Variants in FARSB observed in about 807,000 individuals in gnomAD.
FARSB encodes the protein phenylalanine--tRNA ligase beta subunit.
FARSB carries 40 observed loss-of-function variants against 69.6 expected under a neutral mutation model. That is an observed-to-expected ratio of 0.57 (90% CI 0.45 to 0.75). FARSB has a LOEUF of 0.75. FARSB is among the 30% of genes least tolerant of loss of function. The probability of loss-of-function intolerance (pLI) is 0.00; values close to 1 mark genes in which losing one functional copy is unlikely to be tolerated. For synonymous variants in FARSB, 235 were observed against 247.2 expected, an observed-to-expected ratio of 0.95 and a Z score of 0.46; for missense variants, 632 against 722.9, an observed-to-expected ratio of 0.87 and a Z score of 1.44.
At chr2:222,600,342 A>G (rs745838164) in intron 15 of FARSB, among the ~76,000 whole-genome samples, 3 of 152,206 alleles carry the variant, frequency 2.0e-5, no homozygotes, top group Non-Finnish European at 2.9e-5. Flanking sequence ...TCACTGAGGT[A>G]TAAGTTGGTA....
At chr2:222,578,723 TA>T (rs1689895377) in intron 16 of FARSB, among the ~76,000 whole-genome samples, 1 of 151,274 alleles carries the variant, frequency 6.6e-6, no homozygotes, top group African/African-American at 2.5e-5. Context: ...CTCATGCCTG[TA>T]ATCCCAGCAC....
intron 15 of FARSB, among the ~76,000 whole-genome samples, chr2:222,604,531 C>T (rs1411128360): frequency 6.6e-6 from 1 of 152,064 alleles, no homozygotes; most frequent in Non-Finnish European, 1.5e-5. Flanking sequence ...CAGTACAAGA[C>T]ATCTACAACC....
At chr2:222,637,051 TA>T (rs1200270222) in intron 5 of FARSB, among the ~76,000 whole-genome samples, 1 of 152,102 alleles carries the variant, frequency 6.6e-6, no homozygotes, top group Non-Finnish European at 1.5e-5. Flanking sequence ...AAGAAGGAAC[TA>T]TTTTTTTTAA....
chr2:222,621,493 G>A (rs1397482257), intron 13 of FARSB, among the ~76,000 whole-genome samples: 1 of 152,164 alleles, frequency 6.6e-6, no homozygotes, highest in Non-Finnish European at 1.5e-5. Flanking sequence ...AAAGTGCTGG[G>A]ATTACAGGCA....
At chr2:222,597,005 T>C (rs1284404430) in intron 16 of FARSB, among the ~76,000 whole-genome samples, 1 of 152,176 alleles carries the variant, frequency 6.6e-6, no homozygotes, top group Non-Finnish European at 1.5e-5. Context: ...TTATTTGTAA[T>C]GATACCAATT....
intron 16 of FARSB, among the ~76,000 whole-genome samples, chr2:222,588,120 T>A (rs1465038805): frequency 6.6e-6 from 1 of 152,180 alleles, no homozygotes; most frequent in Non-Finnish European, 1.5e-5. Flanking sequence ...AATAAAATAC[T>A]GGCAAAACGA....
At chr2:222,654,446 T>C (rs1692118678) in intron 1 of FARSB, among the ~76,000 whole-genome samples, 1 of 152,266 alleles carries the variant, frequency 6.6e-6, no homozygotes, top group Non-Finnish European at 1.5e-5. Flanking sequence ...TATCTCATTA[T>C]GTATATGCAA....
Position 222,639,601 on chromosome 2 carries a change from T to G in FARSB, c.434A>C (p.Lys145Thr). 1 of 1,571,222 alleles carries G rather than the reference T, an allele frequency of 6.4e-7. No homozygotes were observed. Among genetic ancestry groups the G allele is most frequent in the Non-Finnish European group, 8.7e-7 (1 of 1,149,814 alleles). ...RYDSFIELQE[K>T]LHQNICRKRA... Reference sequence around the variant, plus strand: ...AAACCTGCAAATATTCTGATGTAATTTCTCCTGAAGTTCAATGAAGCTGTC... The same window carrying G: ...AAACCTGCAAATATTCTGATGTAATGTCTCCTGAAGTTCAATGAAGCTGTC... Residue 145 changes from lysine (K) to threonine (T), a missense_variant, in exon 5 of 17, where the codon AAA becomes ACA. By Grantham distance (78) the Lys-to-Thr change is moderately conservative. Coordinates refer to ENST00000281828, the MANE Select transcript of FARSB (RefSeq NM_005687.5).
At chr2:222,628,754 TAGAC>T (rs1488784362) in intron 10 of FARSB, 79 bp downstream of exon 10, 2 of 927,236 alleles carry the variant, frequency 2.2e-6, no homozygotes, top group African/African-American at 1.6e-5. Flanking sequence ...AGGGGATGGA[TAGAC>T]AGACAGAACA....
chr2:222,624,830 A>C, intron 10 of FARSB, 55 bp from the exon 11 acceptor site: 1 of 1,088,112 alleles, frequency 9.2e-7, no homozygotes, highest in Non-Finnish European at 1.4e-6. Context: ...ACAGCTTTAG[A>C]GTCTTTTCCA....
At chr2:222,620,815 C>A (rs1691116525) in intron 13 of FARSB, among the ~76,000 whole-genome samples, 1 of 152,142 alleles carries the variant, frequency 6.6e-6, no homozygotes, top group Non-Finnish European at 1.5e-5. Flanking sequence ...GGCTAGTTGG[C>A]CTGTATTTCA....
chr2:222,611,679 G>C (rs1004640671), intron 15 of FARSB, among the ~76,000 whole-genome samples: 3 of 152,206 alleles, frequency 2.0e-5, no homozygotes, highest in African/African-American at 7.2e-5. Context: ...TCAATAGGAA[G>C]TCATCCTAAG....
chr2:222,604,722 A>ATTTTT (rs56201038), intron 15 of FARSB, among the ~76,000 whole-genome samples: 34 of 110,702 alleles, frequency 3.1e-4, no homozygotes, highest in African/African-American at 5.4e-4. Flanking sequence ...TGCCCACTGA[A>ATTTTT]TTTTTTTTTT....
At chr2:222,645,798 A>T (rs1427121541) in intron 2 of FARSB, among the ~76,000 whole-genome samples, 1 of 152,082 alleles carries the variant, frequency 6.6e-6, no homozygotes, top group Non-Finnish European at 1.5e-5. Context: ...CATTTTTTGG[A>T]AGTTGCTGAA....
intron 1 of FARSB, among the ~76,000 whole-genome samples, chr2:222,650,134 T>A (rs917498337): frequency 2.6e-5 from 4 of 152,078 alleles, no homozygotes; most frequent in Non-Finnish European, 4.4e-5. Context: ...AAAGGATGAG[T>A]TCGTTAGGCA....
At chr2:222,613,741 T>C (rs1458438626) in intron 15 of FARSB, 70 bp downstream of exon 15, 12 of 971,698 alleles carry the variant, frequency 1.2e-5, no homozygotes, top group South Asian at 2.7e-5. Context: ...CTTTTATGTA[T>C]AGTTAAGGTT....
intron 15 of FARSB, among the ~76,000 whole-genome samples, chr2:222,608,400 C>A (rs1690760963): frequency 6.6e-6 from 1 of 152,040 alleles, no homozygotes; most frequent in South Asian, 2.1e-4. Context: ...TACACAAAAA[C>A]CTTTAAAGAT....
intron 5 of FARSB, among the ~76,000 whole-genome samples, chr2:222,635,389 G>A (rs1247844128): frequency 3.3e-5 from 5 of 152,078 alleles, no homozygotes; most frequent in African/African-American, 1.2e-4. Context: ...TTAAATTTTG[G>A]TCAACTTCTA....
In FARSB at chr2:222,575,735, C is replaced by T. The variant is rs367919980; in HGVS notation, c.1619-3713G>A. Reference sequence around the variant, plus strand: ...ACAAAAAAGAATTCAATTTCCAAAACTTAGTGGGGTGTTAGTAAGTCCCTT... The same window carrying T: ...ACAAAAAAGAATTCAATTTCCAAAATTTAGTGGGGTGTTAGTAAGTCCCTT... On this transcript the variant is annotated intron_variant, in intron 16 of 16. Transcript: ENST00000281828. Among the ~76,000 whole-genome samples the T allele has an allele frequency of 3.4e-4, 52 of 152,278 alleles. 1 individual carries two copies. The South Asian group carries it at 1.0e-2, about 29-fold the overall frequency.
Sources: gnomAD v4.1 joint callset for allele counts (sites outside exome capture counted in the v4.1 genomes callset) on GRCh38, gnomAD v4.1.1 for gene constraint, MANE v1.5 for transcripts, NCBI Gene and HGNC (gene_info 2026-07-23, HGNC 2026-07-21) for gene names.